The following NBEA variants were observed in gnomAD, a reference collection of about 807,000 sequenced individuals.
The protein encoded by NBEA is neurobeachin.
A neutral mutation model predicts 343.4 loss-of-function variants in NBEA; 44 were observed. The ratio of observed to expected loss-of-function variants is 0.13; its 90% CI spans 0.10 to 0.16. The LOEUF is 0.16. NBEA is among the 10% of genes least tolerant of loss of function. The probability of loss-of-function intolerance (pLI) is 1.00; values close to 1 mark genes in which losing one functional copy is unlikely to be tolerated. For synonymous variants in NBEA, 1,175 were observed against 1,238.7 expected, an observed-to-expected ratio of 0.95 and a Z score of 1.08; for missense variants, 2,555 against 3,631.3, an observed-to-expected ratio of 0.70 and a Z score of 7.62.
At chr13:35,096,250 G>A (rs1000380294) in intron 10 of NBEA, among the ~76,000 whole-genome samples, 1 of 150,958 alleles carries the variant, frequency 6.6e-6, no homozygotes, top group Non-Finnish European at 1.5e-5. Flanking sequence ...TGGGTTTTAG[G>A]TATAAATTAA....
chr13:35,002,993 A>G (rs994625037), intron 1 of NBEA, among the ~76,000 whole-genome samples: 6 of 152,192 alleles, frequency 3.9e-5, no homozygotes, highest in African/African-American at 1.4e-4. Flanking sequence ...AAACCTCAGT[A>G]AATTTCATAG....
intron 1 of NBEA, among the ~76,000 whole-genome samples, chr13:35,000,359 A>G (rs996221970): frequency 6.6e-6 from 1 of 152,242 alleles, no homozygotes; most frequent in South Asian, 2.1e-4. Flanking sequence ...ACAGTAAAAT[A>G]GTAAGCTATG....
intron 44 of NBEA, among the ~76,000 whole-genome samples, chr13:35,555,461 C>T (rs887070329): frequency 4.6e-5 from 7 of 152,090 alleles, no homozygotes; most frequent in Non-Finnish European, 7.4e-5. Context: ...AGAATAACAA[C>T]AGGATTCTGC....
At chr13:35,654,296 G>C (rs1593483908) in intron 53 of NBEA, among the ~76,000 whole-genome samples, 1 of 152,060 alleles carries the variant, frequency 6.6e-6, no homozygotes, top group East Asian at 1.9e-4. Flanking sequence ...GCCCTTTCTG[G>C]AAAGGCCTTC....
At chr13:35,211,397 C>T (rs916015652) in intron 33 of NBEA, among the ~76,000 whole-genome samples, 8 of 152,124 alleles carry the variant, frequency 5.3e-5, no homozygotes, top group South Asian at 2.1e-4. Flanking sequence ...TGTTCACTGT[C>T]GTATAGTGTA....
intron 41 of NBEA, among the ~76,000 whole-genome samples, chr13:35,512,637 C>G (rs2077319510): frequency 6.6e-6 from 1 of 152,186 alleles, no homozygotes; most frequent in East Asian, 1.9e-4. Context: ...TCCCTGGCCT[C>G]TCAGTACATT....
At chr13:34,975,673 A>G (rs1325583519) in intron 1 of NBEA, among the ~76,000 whole-genome samples, 1 of 152,190 alleles carries the variant, frequency 6.6e-6, no homozygotes, top group African/African-American at 2.4e-5. Context: ...AATCTTCACA[A>G]TCTATACATC....
intron 55 of NBEA, among the ~76,000 whole-genome samples, chr13:35,657,802 C>T (rs1287911896): frequency 6.6e-6 from 1 of 152,060 alleles, no homozygotes. Flanking sequence ...TAATTAATTA[C>T]CGTCTTCAAA....
chr13:34,956,544 TG>T (rs2059497500), intron 1 of NBEA, among the ~76,000 whole-genome samples: 1 of 152,144 alleles, frequency 6.6e-6, no homozygotes, highest in East Asian at 1.9e-4. Context: ...GACACATAAT[TG>T]TATGTATTTC....
chr13:35,176,314 A>G (rs1163221188), intron 27 of NBEA, among the ~76,000 whole-genome samples: 1 of 152,074 alleles, frequency 6.6e-6, no homozygotes, highest in Admixed American at 6.6e-5. Flanking sequence ...ATGGGCTGGA[A>G]TTGTATTTTG....
chr13:35,336,185 A>C (rs983524054), intron 36 of NBEA, among the ~76,000 whole-genome samples: 15 of 152,142 alleles, frequency 9.9e-5, no homozygotes, highest in African/African-American at 3.6e-4. Context: ...TCATCAGATA[A>C]TGAAAACACC....
At chr13:35,096,520 T>A (rs2065339320) in intron 10 of NBEA, among the ~76,000 whole-genome samples, 1 of 151,874 alleles carries the variant, frequency 6.6e-6, no homozygotes, top group African/African-American at 2.4e-5. Flanking sequence ...TGGTTCTATA[T>A]AGTAGGGCGA....
At chr13:35,246,740 C>T (rs1418848680) in intron 34 of NBEA, among the ~76,000 whole-genome samples, 1 of 152,130 alleles carries the variant, frequency 6.6e-6, no homozygotes, top group African/African-American at 2.4e-5. Flanking sequence ...TTGTTTAATG[C>T]ACTAGTTTTG....
intron 35 of NBEA, among the ~76,000 whole-genome samples, chr13:35,297,248 G>A (rs2036196781): frequency 6.6e-6 from 1 of 151,836 alleles, no homozygotes; most frequent in African/African-American, 2.4e-5. Context: ...ATTTCACGAA[G>A]CCTTTCTGTA....
intron 35 of NBEA, among the ~76,000 whole-genome samples, chr13:35,297,321 A>G (rs186777079): frequency 2.6e-5 from 4 of 152,184 alleles, no homozygotes; most frequent in Admixed American, 1.3e-4. Context: ...GCATAAATCT[A>G]GATGATAAAT....
chr13:34,989,768 G>A (rs539377500), intron 1 of NBEA, among the ~76,000 whole-genome samples: 4 of 150,674 alleles, frequency 2.7e-5, no homozygotes, highest in East Asian at 3.9e-4. Flanking sequence ...CTCAAAAGTC[G>A]AAGTCCAAAG....
intron 35 of NBEA, among the ~76,000 whole-genome samples, chr13:35,306,733 G>A (rs1218232634): frequency 2.0e-5 from 3 of 152,128 alleles, no homozygotes; most frequent in Non-Finnish European, 2.9e-5. Context: ...ATGTATATAC[G>A]TGGAGTGTTT....
chr13:35,074,284 G>A (rs1186539356), intron 10 of NBEA, among the ~76,000 whole-genome samples: 1 of 151,930 alleles, frequency 6.6e-6, no homozygotes, highest in African/African-American at 2.4e-5. Flanking sequence ...TATTCTTATT[G>A]AGTACATGTT....
Position 34,978,505 on chromosome 13 carries a change from G to C in NBEA, c.294+35391G>C, listed in dbSNP as rs1315491370. ...CCTCCCCACCATAAAATTACATACAGTGAAAACATCTAATATTCTGTGAGT... is the reference window on the plus strand; with the variant it reads ...CCTCCCCACCATAAAATTACATACACTGAAAACATCTAATATTCTGTGAGT... On this transcript the variant is annotated intron_variant, in intron 1 of 58. Transcript: ENST00000379939. 5.9e-5 allele frequency among the ~76,000 whole-genome samples: 9 copies of C among 152,118 alleles called. No homozygotes were observed. In the East Asian group the frequency reaches 1.7e-3, roughly 29 times the overall value.
Sources: allele counts gnomAD v4.1 joint callset (sites outside exome capture counted in the v4.1 genomes callset), GRCh38; gene constraint gnomAD v4.1.1; transcripts MANE v1.5; gene names NCBI Gene and HGNC (gene_info 2026-07-23, HGNC 2026-07-21).